The following CDKAL1 variants were observed in gnomAD, a reference collection of about 807,000 sequenced individuals.
The protein encoded by CDKAL1 is threonylcarbamoyladenosine tRNA methylthiotransferase.
In CDKAL1, 32 loss-of-function variants were observed where a neutral mutation model predicts 68.2. The ratio of observed to expected loss-of-function variants is 0.47; its 90% CI spans 0.35 to 0.63. The LOEUF (loss-of-function observed/expected upper bound fraction) is 0.63. Among genes scored for constraint, CDKAL1 ranks in the 30% least tolerant of loss-of-function variants. The pLI, the probability that CDKAL1 is intolerant of heterozygous loss-of-function variation, is 0.00. For missense variants in CDKAL1, 606 were observed against 696.7 expected (o/e 0.87, Z 1.47); for synonymous variants, 234 against 244.3 (o/e 0.96, Z 0.39).
chr6:20,772,567 G>T (rs1774992179), intron 7 of CDKAL1, among the ~76,000 whole-genome samples: 1 of 152,164 alleles, frequency 6.6e-6, no homozygotes, highest in East Asian at 1.9e-4. Context: ...TGCTTATGCA[G>T]ATTACTTTGT....
At chr6:20,553,020 A>G (rs1561920547) in intron 4 of CDKAL1, among the ~76,000 whole-genome samples, 2 of 152,214 alleles carry the variant, frequency 1.3e-5, no homozygotes, top group African/African-American at 2.4e-5. Context: ...AATGTATAAC[A>G]TAAAATAGGT....
intron 4 of CDKAL1, among the ~76,000 whole-genome samples, chr6:20,643,980 A>G (rs552861461): frequency 3.3e-5 from 5 of 152,092 alleles, no homozygotes; most frequent in African/African-American, 7.2e-5. Context: ...ATGCGCCACC[A>G]TGCCTGGCTA....
intron 9 of CDKAL1, 66 bp downstream of exon 9, chr6:20,846,244 ATAC>A (rs1778370906): frequency 1.0e-6 from 1 of 971,146 alleles, no homozygotes; most frequent in South Asian, 1.6e-5. Context: ...CTTCTAAGTA[ATAC>A]TTCAGTTTAG....
At chr6:21,223,897 C>T (rs979329795) in intron 15 of CDKAL1, among the ~76,000 whole-genome samples, 6 of 152,172 alleles carry the variant, frequency 3.9e-5, no homozygotes, top group East Asian at 3.9e-4. Flanking sequence ...GAGGCTCGGC[C>T]GTGGAGGTTT....
At chr6:21,084,911 C>A (rs1417823239) in intron 12 of CDKAL1, among the ~76,000 whole-genome samples, 1 of 152,160 alleles carries the variant, frequency 6.6e-6, no homozygotes, top group East Asian at 1.9e-4. Flanking sequence ...CTGGGAGCAG[C>A]CTTCTTCATT....
intron 9 of CDKAL1, among the ~76,000 whole-genome samples, chr6:20,911,540 A>C (rs1464311805): frequency 6.6e-6 from 1 of 152,228 alleles, no homozygotes; most frequent in East Asian, 1.9e-4. Flanking sequence ...TTTTACCAAG[A>C]ATTAAAGGAA....
chr6:21,122,932 C>T (rs1774802351), intron 13 of CDKAL1, among the ~76,000 whole-genome samples: 1 of 151,658 alleles, frequency 6.6e-6, no homozygotes, highest in Non-Finnish European at 1.5e-5. Flanking sequence ...AGGCATGAGC[C>T]ACCTCTCCCA....
intron 11 of CDKAL1, among the ~76,000 whole-genome samples, chr6:21,020,051 A>G (rs1193868891): frequency 6.6e-6 from 1 of 152,206 alleles, no homozygotes; most frequent in African/African-American, 2.4e-5. Context: ...TAACCCTATT[A>G]GAAACAAATT....
Position 21,070,399 on chromosome 6 carries a change from C to CTCTTTT in CDKAL1, c.1236+5172_1236+5173insCTTTTT, listed in dbSNP as rs1554170016. Among the ~76,000 whole-genome samples, 648 of 139,342 alleles carry CTCTTTT rather than the reference C, an allele frequency of 4.7e-3. 7 individuals are homozygous for CTCTTTT. Among genetic ancestry groups the CTCTTTT allele is most frequent in the Middle Eastern group, 0.011 (3 of 266 alleles). The allele number at this position is 139,342 out of a possible 152,430, so 91.4% of individuals were successfully genotyped here. A position where few individuals can be genotyped will look rare whatever the true frequency, so the allele number is the denominator to read the frequency against. ...TGGGCTTTTTTCTTTTTGTTTCTCT[C>CTCTTTT]TTTTTTTTTTGGCTCAGTTTTCTCA... On this transcript the variant is annotated intron_variant, in intron 12 of 15. Coordinates refer to ENST00000274695, the MANE Select transcript of CDKAL1 (RefSeq NM_017774.3).
At chr6:20,553,749 T>C (rs957538451) in intron 4 of CDKAL1, among the ~76,000 whole-genome samples, 20 of 152,270 alleles carry the variant, frequency 1.3e-4, no homozygotes, top group African/African-American at 4.8e-4. Context: ...TAGCTGGGAT[T>C]ACCGGTGTGC....
intron 8 of CDKAL1, among the ~76,000 whole-genome samples, chr6:20,825,356 T>G (rs1777461543): frequency 6.6e-6 from 1 of 152,130 alleles, no homozygotes; most frequent in South Asian, 2.1e-4. Flanking sequence ...CAGTGGGTTC[T>G]GTTGAGACTG....
At chr6:21,142,899 A>G (rs1234448408) in intron 13 of CDKAL1, among the ~76,000 whole-genome samples, 1 of 152,222 alleles carries the variant, frequency 6.6e-6, no homozygotes, top group Admixed American at 6.5e-5. Context: ...TATGTGTAGC[A>G]GGGTTGAAGT....
chr6:21,153,204 A>G (rs938970781), intron 13 of CDKAL1, among the ~76,000 whole-genome samples: 3 of 146,326 alleles, frequency 2.1e-5, no homozygotes, highest in Non-Finnish European at 3.0e-5. Context: ...TATATTGACA[A>G]CCTCATTGGC....
At chr6:21,207,830 C>G (rs899748193) in intron 15 of CDKAL1, among the ~76,000 whole-genome samples, 3 of 152,080 alleles carry the variant, frequency 2.0e-5, no homozygotes, top group Non-Finnish European at 4.4e-5. Flanking sequence ...GTAAAAGTTG[C>G]CCAATATCTT....
In CDKAL1 at chr6:20,793,798, T is replaced by C. The variant is rs186982367; in HGVS notation, c.638+12533T>C. Among the ~76,000 whole-genome samples the C allele has an allele frequency of 2.1e-4, 31 of 147,470 alleles. No homozygotes were observed. In the East Asian group the frequency reaches 4.7e-3, roughly 22 times the overall value. The stretch of plus-strand genomic sequence containing the variant: ...ATTTTAAATTTAATTCTTTCAGATA[T>C]ATATTATATATATATATATCCTAAT... On this transcript the variant is annotated intron_variant, in intron 8 of 15. Transcript: ENST00000274695.
At chr6:21,165,936 T>G (rs1249091959) in intron 13 of CDKAL1, among the ~76,000 whole-genome samples, 2 of 152,236 alleles carry the variant, frequency 1.3e-5, no homozygotes, top group East Asian at 3.8e-4. Context: ...GGAAGTAGAC[T>G]GCCTGGATTC....
intron 5 of CDKAL1, among the ~76,000 whole-genome samples, chr6:20,717,607 G>A (rs1772158434): frequency 6.6e-6 from 1 of 152,098 alleles, no homozygotes; most frequent in Non-Finnish European, 1.5e-5. Flanking sequence ...CCTTAATGGG[G>A]AAGGCCTTAT....
intron 1 of CDKAL1, among the ~76,000 whole-genome samples, chr6:20,534,797 A>G (rs1486977815): frequency 1.3e-5 from 2 of 152,278 alleles, no homozygotes; most frequent in Admixed American, 1.3e-4. Context: ...AGTTAGGAGT[A>G]TTTTAGGCAC....
In CDKAL1 at chr6:21,232,258, C is replaced by G. The variant is rs987551971; in HGVS notation, c.*1219C>G. 9 of 152,264 alleles carry G rather than the reference C, an allele frequency of 5.9e-5. No homozygotes were observed. Among genetic ancestry groups the G allele is most frequent in the African/African-American group, 2.2e-4 (9 of 41,456 alleles). 9.4% of individuals were successfully genotyped at this position (152,264 alleles called of 1,614,324 possible). A position where few individuals can be genotyped will look rare whatever the true frequency, so the allele number is the denominator to read the frequency against. On this transcript the variant is annotated 3_prime_UTR_variant, in exon 16 of 16. Coordinates refer to ENST00000274695, the MANE Select transcript of CDKAL1 (RefSeq NM_017774.3). ...CTAGCCTCAAGCAGTCTTCTTGCCTCAGCCTCCCAAAGTGCTGGGATTACA... is the reference window on the plus strand; with the variant it reads ...CTAGCCTCAAGCAGTCTTCTTGCCTGAGCCTCCCAAAGTGCTGGGATTACA...
Sources: allele counts gnomAD v4.1 joint callset (sites outside exome capture counted in the v4.1 genomes callset), GRCh38; gene constraint gnomAD v4.1.1; transcripts MANE v1.5; gene names NCBI Gene and HGNC (gene_info 2026-07-23, HGNC 2026-07-21).